PPP1R16B: variants seen among roughly 807,000 people sequenced by gnomAD.
The protein encoded by PPP1R16B is protein phosphatase 1 regulatory inhibitor subunit 16B.
A neutral mutation model predicts 61.7 loss-of-function variants in PPP1R16B; 14 were observed. That is an observed-to-expected ratio of 0.23 (90% CI 0.15 to 0.35). The LOEUF (loss-of-function observed/expected upper bound fraction) is 0.35. Ranked by LOEUF, PPP1R16B falls within the 10% of genes least tolerant of loss-of-function variation. The probability of loss-of-function intolerance (pLI) is 1.00; values close to 1 mark genes in which losing one functional copy is unlikely to be tolerated. For synonymous variants in PPP1R16B, 266 were observed against 305.3 expected (o/e 0.87, Z 1.34); for missense variants, 547 against 752.5 (o/e 0.73, Z 3.19).
chr20:38,817,479 C>T (rs2084743528), intron 1 of PPP1R16B, among the ~76,000 whole-genome samples: 1 of 150,192 alleles, frequency 6.7e-6, no homozygotes, highest in African/African-American at 2.5e-5. Context: ...GCAAGAGAAT[C>T]ACTTGAACCT....
chr20:38,903,343 C>A (rs1046165176), intron 6 of PPP1R16B, among the ~76,000 whole-genome samples: 9 of 152,116 alleles, frequency 5.9e-5, no homozygotes, highest in African/African-American at 2.2e-4. Flanking sequence ...ACCATTCACC[C>A]ACTCACTCGT....
Position 38,905,966 on chromosome 20 carries a change from C to A in PPP1R16B, c.697-3C>A. 1 of 1,612,324 alleles carries A rather than the reference C, an allele frequency of 6.2e-7. No individual in the cohort carries two copies. The highest frequency in any genetic ancestry group is 8.5e-7 in the Non-Finnish European group (1 of 1,179,266). On this transcript the variant is annotated splice_polypyrimidine_tract_variant and splice_region_variant and intron_variant, in intron 6 of 10. Transcript: ENST00000299824. ...GAATGCTCACTTCTTTCCTCTCCTC[C>A]AGCTGCACATAGCTGGAGCCAATGG...
chr20:38,902,840 T>C lies in PPP1R16B; in HGVS notation c.696+48T>C, dbSNP rs2085407898. On this transcript the variant is annotated intron_variant, in intron 6 of 10. Coordinates refer to ENST00000299824, the MANE Select transcript of PPP1R16B (RefSeq NM_015568.4). ...AAACCAAGACCAGCTAGGTCCGAAG[T>C]GGGCCAGCACCTGGTGGGGACCAAC... is the stretch of plus-strand genomic sequence containing the variant. The C allele has an allele frequency of 1.9e-6, 3 of 1,612,252 alleles. No homozygotes were observed. In the South Asian group the frequency reaches 3.3e-5, roughly 18 times the overall value.
rs1436068046 is a variant in PPP1R16B, at chr20:38,806,564, G to GCAGC, written c.-102+774_-102+777dup. ...GGGCGCCGAGGATGGGCGGAGACGT[G>GCAGC]CAGCCGCCCCTGAGAGGTCGCCCAG... On this transcript the variant is annotated intron_variant, in intron 1 of 10. Coordinates refer to ENST00000299824, the MANE Select transcript of PPP1R16B (RefSeq NM_015568.4). This position sits in a 1 kb window ranked among gnomAD's most constrained non-coding sequence, Gnocchi z 4.5. Among the ~76,000 whole-genome samples, 1 of 152,140 alleles carries GCAGC rather than the reference G, an allele frequency of 6.6e-6. No individual in the cohort carries two copies. The highest frequency in any genetic ancestry group is 1.5e-5 in the Non-Finnish European group (1 of 68,006).
In PPP1R16B at chr20:38,806,647, G is replaced by C. The variant is rs547133015; in HGVS notation, c.-102+855G>C. On this transcript the variant is annotated intron_variant, in intron 1 of 10. Transcript: ENST00000299824. The surrounding 1 kb of genome is among the most constrained non-coding windows in gnomAD (Gnocchi z 4.5). The stretch of plus-strand genomic sequence containing the variant: ...GGCTGAGCTGCCCAGACCGCCCCGG[G>C]TGGAGAGCCGGGAGGCAGGCGCTCG... 2.8e-4 allele frequency among the ~76,000 whole-genome samples: 43 copies of C among 152,328 alleles called. No individual in the cohort carries two copies. The highest frequency in any genetic ancestry group is 9.9e-4 in the African/African-American group (41 of 41,578).
At chr20:38,864,440 C>T (rs2085076721) in intron 2 of PPP1R16B, among the ~76,000 whole-genome samples, 1 of 152,166 alleles carries the variant, frequency 6.6e-6, no homozygotes, top group African/African-American at 2.4e-5. Context: ...AAATTGCTTC[C>T]TAAATATTCA....
At chr20:38,827,926 C>T (rs1173967314) in intron 1 of PPP1R16B, among the ~76,000 whole-genome samples, 3 of 152,184 alleles carry the variant, frequency 2.0e-5, no homozygotes, top group Non-Finnish European at 4.4e-5. Context: ...TTGTTTTCTT[C>T]TTTCCCTCAT....
At chr20:38,853,163 TTCTC>T (rs940906222) in intron 2 of PPP1R16B, among the ~76,000 whole-genome samples, 9 of 152,186 alleles carry the variant, frequency 5.9e-5, no homozygotes, top group African/African-American at 2.2e-4. Context: ...CTTCAGGCCT[TTCTC>T]TCAACAATCG....
rs374620094 is a variant in PPP1R16B at position 38,815,739 on chromosome 20, T to C, written c.-102+9947T>C. On this transcript the variant is annotated intron_variant, in intron 1 of 10. Coordinates refer to ENST00000299824, the MANE Select transcript of PPP1R16B (RefSeq NM_015568.4). The stretch of plus-strand genomic sequence containing the variant: ...TAAGGTTCTACAGTAATTTTTAGAT[T>C]TTATGACCCTTTGGATTATGCCTAC... 8.5e-5 allele frequency among the ~76,000 whole-genome samples: 13 copies of C among 152,332 alleles called. No individual in the cohort carries two copies. In the East Asian group the frequency reaches 1.7e-3, roughly 20 times the overall value.
chr20:38,907,686 G>T lies in PPP1R16B; in HGVS notation c.899-120G>T. On this transcript the variant is annotated intron_variant, in intron 8 of 10. Coordinates refer to ENST00000299824, the MANE Select transcript of PPP1R16B (RefSeq NM_015568.4). The surrounding 1 kb of genome is among the most constrained non-coding windows in gnomAD (Gnocchi z 4.5). ...GCATTGTTTTCTTGCCTCCCTGCAT[G>T]CCCTGAAAGATGCTTGGAGTTTTCA... The T allele has an allele frequency of 3.7e-6, 5 of 1,335,784 alleles. No homozygotes were observed. The highest frequency in any genetic ancestry group is 1.4e-5 in the South Asian group (1 of 72,424). 82.7% of individuals were successfully genotyped at this position (1,335,784 alleles called of 1,614,324 possible).
At chr20:38,860,167 C>T (rs1438739303) in intron 2 of PPP1R16B, among the ~76,000 whole-genome samples, 4 of 152,192 alleles carry the variant, frequency 2.6e-5, no homozygotes, top group African/African-American at 7.2e-5. Flanking sequence ...GGGGTTTCAC[C>T]GTGTTGGTCA....
At chr20:38,869,510 AC>A (rs1348466635) in intron 2 of PPP1R16B, among the ~76,000 whole-genome samples, 1 of 152,110 alleles carries the variant, frequency 6.6e-6, no homozygotes, top group African/African-American at 2.4e-5. Flanking sequence ...GTAGCTACGC[AC>A]CATTTTATAT....
chr20:38,817,512 C>T (rs2084743902), intron 1 of PPP1R16B, among the ~76,000 whole-genome samples: 1 of 144,426 alleles, frequency 6.9e-6, no homozygotes. Flanking sequence ...CTGTAGTGAG[C>T]AGAGATCGCA....
At chr20:38,911,235 C>T (rs756971321) in intron 10 of PPP1R16B, among the ~76,000 whole-genome samples, 7 of 147,334 alleles carry the variant, frequency 4.8e-5, no homozygotes, top group South Asian at 4.4e-4. Context: ...GGCGCGATCT[C>T]GGCTCACTGC....
intron 1 of PPP1R16B, among the ~76,000 whole-genome samples, chr20:38,815,556 C>G (rs2145705148): frequency 6.6e-6 from 1 of 152,336 alleles, no homozygotes; most frequent in Admixed American, 6.5e-5. Context: ...GCAGTTTCAA[C>G]TGTGATAGAC....
chr20:38,857,138 T>C (rs1276395495), intron 2 of PPP1R16B, among the ~76,000 whole-genome samples: 2 of 152,208 alleles, frequency 1.3e-5, no homozygotes, highest in Admixed American at 1.3e-4. Context: ...CCACTGGCAA[T>C]CAGACCTCAT....
chr20:38,816,757 T>C (rs1189433853), intron 1 of PPP1R16B, among the ~76,000 whole-genome samples: 2 of 152,158 alleles, frequency 1.3e-5, no homozygotes. Flanking sequence ...CAGCGATATA[T>C]AGAGCCAATT....
chr20:38,869,030 C>T (rs758726641), intron 2 of PPP1R16B, among the ~76,000 whole-genome samples: 28 of 151,910 alleles, frequency 1.8e-4, no homozygotes, highest in Non-Finnish European at 3.8e-4. Flanking sequence ...GTGTCCCTTC[C>T]CAGTCAATCC....
At chr20:38,854,278 A>C (rs751539344) in intron 2 of PPP1R16B, among the ~76,000 whole-genome samples, 2 of 152,244 alleles carry the variant, frequency 1.3e-5, no homozygotes, top group Non-Finnish European at 2.9e-5. Flanking sequence ...TGGCATTCAG[A>C]ATTCAGCACT....
Sources: allele counts gnomAD v4.1 joint callset (sites outside exome capture counted in the v4.1 genomes callset), GRCh38; gene constraint gnomAD v4.1.1; non-coding constraint Gnocchi (gnomAD v3.1); transcripts MANE v1.5; gene names NCBI Gene and HGNC (gene_info 2026-07-23, HGNC 2026-07-21).